PCNX1: variants seen among roughly 807,000 people sequenced by gnomAD.
PCNX1 encodes the protein pecanex 1.
PCNX1 carries 78 observed loss-of-function variants against 242.2 expected under a neutral mutation model. The observed-to-expected ratio is 0.32, with a 90% CI of 0.27 to 0.39. The LOEUF (loss-of-function observed/expected upper bound fraction) is 0.39, where lower values mean the gene tolerates loss of function less well. Ranked by LOEUF, PCNX1 falls within the 10% of genes least tolerant of loss-of-function variation. The probability of loss-of-function intolerance (pLI) is 1.00; values close to 1 mark genes in which losing one functional copy is unlikely to be tolerated. For missense variants in PCNX1, 2,581 were observed against 2,856.5 expected (o/e 0.90, Z 2.20); for synonymous variants, 1,024 against 1,032.9 (o/e 0.99, Z 0.17).
chr14:70,932,967 A>G (rs1469892739), intron 1 of PCNX1, among the ~76,000 whole-genome samples: 2 of 152,178 alleles, frequency 1.3e-5, no homozygotes, highest in African/African-American at 4.8e-5. Context: ...CATTTTTTAC[A>G]ATAATCCTAA....
chr14:71,070,390 G>C (rs539786323), intron 26 of PCNX1, among the ~76,000 whole-genome samples: 2 of 152,310 alleles, frequency 1.3e-5, no homozygotes, highest in South Asian at 4.1e-4. Flanking sequence ...GAAGTTGTCA[G>C]TTTACTTTGC....
chr14:71,080,578 A>C (rs1205015345), intron 28 of PCNX1, among the ~76,000 whole-genome samples: 2 of 152,106 alleles, frequency 1.3e-5, no homozygotes, highest in African/African-American at 4.8e-5. Context: ...CTCCTTGAAG[A>C]GGTCGTTCAC....
chr14:70,975,379 T>C lies in PCNX1; in HGVS notation c.605-1563T>C, dbSNP rs144269658. ...ATCTTGAAAACTTTAAAATGTAAAA[T>C]AAAGTGTAATTGGACATTTATACAC... On this transcript the variant is annotated intron_variant, in intron 5 of 35. Coordinates refer to ENST00000304743, the MANE Select transcript of PCNX1 (RefSeq NM_014982.3). Among the ~76,000 whole-genome samples the C allele has an allele frequency of 3.1e-4, 47 of 152,272 alleles. No individual in the cohort carries two copies. The East Asian group carries it at 8.5e-3, about 27-fold the overall frequency.
intron 26 of PCNX1, among the ~76,000 whole-genome samples, chr14:71,062,176 A>G (rs1200255406): frequency 6.6e-6 from 1 of 152,194 alleles, no homozygotes; most frequent in Non-Finnish European, 1.5e-5. Flanking sequence ...TACCTCCTCA[A>G]GAAGAGCCTC....
intron 16 of PCNX1, among the ~76,000 whole-genome samples, chr14:71,029,442 T>G (rs2060323410): frequency 6.6e-6 from 1 of 152,182 alleles, no homozygotes; most frequent in African/African-American, 2.4e-5. Flanking sequence ...GATCCTTCCT[T>G]GCCTCATTTA....
intron 26 of PCNX1, among the ~76,000 whole-genome samples, chr14:71,071,165 C>T (rs573284553): frequency 6.6e-6 from 1 of 152,332 alleles, no homozygotes; most frequent in South Asian, 2.1e-4. Flanking sequence ...GAGCTTTGCT[C>T]TGGATCAGGC....
intron 1 of PCNX1, among the ~76,000 whole-genome samples, chr14:70,931,099 C>G (rs1362361573): frequency 2.0e-5 from 3 of 152,126 alleles, no homozygotes; most frequent in African/African-American, 7.2e-5. Flanking sequence ...TTCTTTCTCC[C>G]TTCTCACCAG....
chr14:71,000,229 C>T (rs1306430259), intron 8 of PCNX1, among the ~76,000 whole-genome samples: 2 of 152,078 alleles, frequency 1.3e-5, no homozygotes, highest in African/African-American at 2.4e-5. Flanking sequence ...TATTCTACTT[C>T]GTTTTGGTAA....
At chr14:71,083,303 C>A (rs983888002) in intron 28 of PCNX1, among the ~76,000 whole-genome samples, 36 of 152,112 alleles carry the variant, frequency 2.4e-4, no homozygotes, top group Non-Finnish European at 1.0e-4. Context: ...TTCATTTCAA[C>A]CTTGGTGAAT....
At chr14:71,062,396 AAT>A (rs1012850766) in intron 26 of PCNX1, among the ~76,000 whole-genome samples, 1 of 151,986 alleles carries the variant, frequency 6.6e-6, no homozygotes, top group Non-Finnish European at 1.5e-5. Flanking sequence ...AAAGTAAAAA[AAT>A]TTTAAATTTT....
chr14:71,053,417 A>G (rs1303867858), intron 24 of PCNX1: 4 of 386,594 alleles, frequency 1.0e-5, no homozygotes, highest in Non-Finnish European at 2.0e-5. Context: ...TCCCAGGTTC[A>G]AGCAATTCTC....
intron 28 of PCNX1, among the ~76,000 whole-genome samples, chr14:71,082,160 G>C (rs1181020918): frequency 6.6e-6 from 1 of 152,134 alleles, no homozygotes; most frequent in Non-Finnish European, 1.5e-5. Flanking sequence ...CCGTGTTGTT[G>C]TGCGGTTTTG....
At chr14:71,060,441 T>C (rs921904300) in intron 26 of PCNX1, among the ~76,000 whole-genome samples, 1 of 152,252 alleles carries the variant, frequency 6.6e-6, no homozygotes, top group Admixed American at 6.5e-5. Flanking sequence ...CTCATACATC[T>C]CACATTTACT....
At chr14:70,931,528 A>C (rs1490157560) in intron 1 of PCNX1, among the ~76,000 whole-genome samples, 4 of 152,208 alleles carry the variant, frequency 2.6e-5, no homozygotes, top group Admixed American at 2.6e-4. Flanking sequence ...CGATAGGATT[A>C]GTGTGCCCGT....
At chr14:71,004,579 A>G (rs2059601152) in intron 8 of PCNX1, among the ~76,000 whole-genome samples, 1 of 152,216 alleles carries the variant, frequency 6.6e-6, no homozygotes, top group South Asian at 2.1e-4. Flanking sequence ...TCCATAGGAA[A>G]GTTATCTTCC....
chr14:71,068,876 C>T (rs2061522569), intron 26 of PCNX1, among the ~76,000 whole-genome samples: 1 of 151,714 alleles, frequency 6.6e-6, no homozygotes, highest in African/African-American at 2.4e-5. Context: ...CCTATAGATG[C>T]AAAAATCCTG....
chr14:71,099,159 A>ATTTTTTT (rs35488754), intron 30 of PCNX1, among the ~76,000 whole-genome samples: 1 of 131,490 alleles, frequency 7.6e-6, no homozygotes, highest in Non-Finnish European at 1.6e-5. Context: ...TATTATTTTG[A>ATTTTTTT]TTTTTTTTTT....
intron 8 of PCNX1, among the ~76,000 whole-genome samples, chr14:71,001,112 AATC>A (rs1197634214): frequency 1.3e-4 from 20 of 151,902 alleles, no homozygotes; most frequent in African/African-American, 4.6e-4. Flanking sequence ...CTTGTTATAT[AATC>A]ATCTTTGTCA....
chr14:71,091,512 T>C (rs563430057), intron 30 of PCNX1, among the ~76,000 whole-genome samples: 55 of 152,328 alleles, frequency 3.6e-4, no homozygotes, highest in Non-Finnish European at 7.2e-4. Context: ...TTGGAAACTT[T>C]TTTGGAAATT....
Sources: gnomAD v4.1 joint callset for allele counts (sites outside exome capture counted in the v4.1 genomes callset) on GRCh38, gnomAD v4.1.1 for gene constraint, MANE v1.5 for transcripts, NCBI Gene and HGNC (gene_info 2026-07-23, HGNC 2026-07-21) for gene names.